MICAL3: variants seen among roughly 807,000 people sequenced by gnomAD.
MICAL3 encodes microtubule associated monooxygenase, calponin and LIM domain containing 3, also known as [F-actin]-monooxygenase MICAL3.
MICAL3 carries 62 observed loss-of-function variants against 207.4 expected under a neutral mutation model. The observed-to-expected ratio is 0.30, with a 90% CI of 0.24 to 0.37. The LOEUF (loss-of-function observed/expected upper bound fraction) is 0.37. MICAL3 is among the 10% of genes least tolerant of loss of function. The pLI, the probability that MICAL3 is intolerant of heterozygous loss-of-function variation, is 1.00. For synonymous variants in MICAL3, 1,077 were observed against 1,069.3 expected (o/e 1.01, Z -0.14); for missense variants, 2,368 against 2,635.6 (o/e 0.90, Z 2.22).
intron 1 of MICAL3, among the ~76,000 whole-genome samples, chr22:17,931,800 A>C (rs138651222): frequency 2.6e-5 from 4 of 152,198 alleles, no homozygotes; most frequent in Admixed American, 1.3e-4. Flanking sequence ...GAAGATACCA[A>C]TGAGGTGTGC....
chr22:17,880,966 G>A (rs1291555265), intron 16 of MICAL3, among the ~76,000 whole-genome samples: 1 of 152,230 alleles, frequency 6.6e-6, no homozygotes, highest in East Asian at 1.9e-4. Context: ...TCTAGTTCGT[G>A]GTGGGACAGT....
intron 30 of MICAL3, 47 bp from the exon 31 acceptor site, chr22:17,791,118 C>A: frequency 1.2e-6 from 2 of 1,603,840 alleles, no homozygotes; most frequent in South Asian, 1.1e-5. Flanking sequence ...GACTGGGGAC[C>A]ACCCCTCACC....
intron 19 of MICAL3, among the ~76,000 whole-genome samples, chr22:17,852,844 G>A (rs528254465): frequency 1.3e-5 from 2 of 152,344 alleles, no homozygotes; most frequent in Admixed American, 1.3e-4. Context: ...GGAGGCTGAG[G>A]CGGGAGGATC....
chr22:17,810,054 ATT>A (rs758573402), intron 28 of MICAL3, among the ~76,000 whole-genome samples: 3,068 of 96,586 alleles, frequency 0.032, 48 homozygotes, highest in East Asian at 0.092. Context: ...ATGCCTGGCT[ATT>A]TTTTTTTTTT....
chr22:17,950,843 T>C (rs1030976969), intron 1 of MICAL3, among the ~76,000 whole-genome samples: 3 of 152,146 alleles, frequency 2.0e-5, no homozygotes, highest in Non-Finnish European at 4.4e-5. Flanking sequence ...CGCCACTACT[T>C]GGAAAGACTC....
At chr22:17,857,486 C>T (rs1419254472) in intron 19 of MICAL3, among the ~76,000 whole-genome samples, 3 of 152,220 alleles carry the variant, frequency 2.0e-5, no homozygotes, top group East Asian at 1.9e-4. Context: ...TTGGGGAACA[C>T]GGCCTGCGGC....
At chr22:17,875,299 G>A in intron 16 of MICAL3, 1 of 470,262 alleles carries the variant, frequency 2.1e-6, no homozygotes. Flanking sequence ...ACCGACACAG[G>A]CAAACAGCAA....
intron 1 of MICAL3, among the ~76,000 whole-genome samples, chr22:17,948,412 C>T (rs938281315): frequency 3.3e-5 from 5 of 152,120 alleles, no homozygotes; most frequent in Admixed American, 6.5e-5. Flanking sequence ...TGTCCCGAGG[C>T]GGGGTGTGCC....
chr22:17,998,299 C>T (rs1180372093), intron 1 of MICAL3, among the ~76,000 whole-genome samples: 1 of 152,076 alleles, frequency 6.6e-6, no homozygotes, highest in Non-Finnish European at 1.5e-5. Flanking sequence ...CAAGAGACTC[C>T]GTCTCAAAAA....
At chr22:17,965,333 G>A (rs918470024) in intron 1 of MICAL3, among the ~76,000 whole-genome samples, 3 of 152,144 alleles carry the variant, frequency 2.0e-5, no homozygotes, top group African/African-American at 7.2e-5. Context: ...CTGGCACAAG[G>A]GTGCCTATAA....
At chr22:17,918,159 C>G (rs1362831923) in intron 1 of MICAL3, among the ~76,000 whole-genome samples, 1 of 152,066 alleles carries the variant, frequency 6.6e-6, no homozygotes, top group African/African-American at 2.4e-5. Flanking sequence ...GTGTCGTAAA[C>G]ATTTTGGTCT....
intron 19 of MICAL3, among the ~76,000 whole-genome samples, chr22:17,850,714 G>A (rs55652548): frequency 6.6e-6 from 1 of 151,956 alleles, no homozygotes; most frequent in African/African-American, 2.4e-5. Flanking sequence ...GCCTGGCCGA[G>A]TTAGTTTTTT....
intron 1 of MICAL3, among the ~76,000 whole-genome samples, chr22:18,016,029 T>C (rs954917910): frequency 6.6e-6 from 1 of 152,220 alleles, no homozygotes; most frequent in African/African-American, 2.4e-5. Flanking sequence ...GATAAATTCC[T>C]GGGTCTGGTA....
intron 1 of MICAL3, among the ~76,000 whole-genome samples, chr22:17,993,093 G>C (rs947615048): frequency 9.2e-5 from 14 of 152,174 alleles, no homozygotes; most frequent in African/African-American, 2.4e-4. Context: ...GTTTTGGAAA[G>C]AAACTGACCC....
intron 1 of MICAL3, among the ~76,000 whole-genome samples, chr22:17,955,674 C>A (rs998577284): frequency 6.6e-6 from 1 of 152,248 alleles, no homozygotes; most frequent in Non-Finnish European, 1.5e-5. Context: ...TCAAGCCGAT[C>A]CTTGGAGCAG....
Position 17,827,007 on chromosome 22 carries a change from G to T in MICAL3, c.3193+637C>A, listed in dbSNP as rs561891903. 2.0e-5 allele frequency among the ~76,000 whole-genome samples: 3 copies of T among 152,360 alleles called. No homozygotes were observed. The South Asian group carries it at 6.2e-4, about 32-fold the overall frequency. On this transcript the variant is annotated intron_variant, in intron 22 of 31. Transcript: ENST00000441493. Reference sequence around the variant, plus strand: ...GAAGTGACAGCAGAGGTGACTCCGAGGGTGGGTATTTGGAAGACAGCATGC... The same window carrying T: ...GAAGTGACAGCAGAGGTGACTCCGATGGTGGGTATTTGGAAGACAGCATGC...
At chr22:17,807,533 C>G (rs150162174) in intron 29 of MICAL3, among the ~76,000 whole-genome samples, 1 of 152,200 alleles carries the variant, frequency 6.6e-6, no homozygotes, top group African/African-American at 2.4e-5. Context: ...TGAGCCCAAA[C>G]CAAGAACATC....
chr22:17,791,333 G>A lies in MICAL3; in HGVS notation c.5651-32C>T, dbSNP rs1193840463. Reference sequence around the variant, plus strand: ...AGAGAACGCTTGTGTCGGGTGCAGGGAGTGCCGCGCCCACCCTGGCCCGCA... The same window carrying A: ...AGAGAACGCTTGTGTCGGGTGCAGGAAGTGCCGCGCCCACCCTGGCCCGCA... On this transcript the variant is annotated intron_variant, in intron 29 of 31. Transcript: ENST00000441493. The A allele has an allele frequency of 1.9e-6, 3 of 1,571,602 alleles. No homozygotes were observed. In the South Asian group the frequency reaches 3.4e-5, roughly 18 times the overall value.
intron 23 of MICAL3, among the ~76,000 whole-genome samples, chr22:17,822,592 T>C (rs1921769399): frequency 6.6e-6 from 1 of 152,144 alleles, no homozygotes; most frequent in Non-Finnish European, 1.5e-5. Context: ...CTTGGGTTCT[T>C]CTCATTCTTC....
Sources: allele counts gnomAD v4.1 joint callset (sites outside exome capture counted in the v4.1 genomes callset), GRCh38; gene constraint gnomAD v4.1.1; transcripts MANE v1.5; gene names NCBI Gene and HGNC (gene_info 2026-07-23, HGNC 2026-07-21).